OSBPL5: variants seen among roughly 807,000 people sequenced by gnomAD.
The protein encoded by OSBPL5 is oxysterol-binding protein-related protein 5.
A neutral mutation model predicts 111.2 loss-of-function variants in OSBPL5; 71 were observed. That is an observed-to-expected ratio of 0.64 (90% confidence interval 0.53 to 0.78). The LOEUF (loss-of-function observed/expected upper bound fraction) is 0.78. OSBPL5 is among the 30% of genes least tolerant of loss of function. The probability of loss-of-function intolerance (pLI) is 0.00; values close to 1 mark genes in which losing one functional copy is unlikely to be tolerated. For missense variants in OSBPL5, 1,210 were observed against 1,189.3 expected (o/e 1.02, Z -0.26); for synonymous variants, 549 against 513.9 (o/e 1.07, Z -0.93).
At position 3,126,343 on chromosome 11, in the gene OSBPL5, A is replaced by G. The variant is rs980952229; in HGVS notation, c.219+130T>C. On this transcript the variant is annotated intron_variant, in intron 3 of 21. Transcript: ENST00000263650. This position sits in a 1 kb window ranked among gnomAD's most constrained non-coding sequence, Gnocchi z 6.5. ...CGGAGCAGCACAGTCTAGGATTGGG[A>G]GCTGTTTCCCCCGAACAGGCTGGAA... 31 of 762,566 alleles carry G rather than the reference A, an allele frequency of 4.1e-5. No individual in the cohort carries two copies. The East Asian group carries it at 4.5e-4, about 11-fold the overall frequency. The allele number at this position is 762,566 out of a possible 1,614,324, so 47.2% of individuals were successfully genotyped here.
At chr11:3,129,383 C>A (rs552561129) in intron 1 of OSBPL5, 289 of 384,506 alleles carry the variant, frequency 7.5e-4, no homozygotes, top group Non-Finnish European at 1.1e-3. Context: ...GCCCTTTCCA[C>A]GCCGGGCAGT....
rs1858001385 is a variant in OSBPL5 at position 3,112,075 on chromosome 11, A to ATGTGTGTGTATGTGTGTGTGCATG, written c.692-4131_692-4130insCATGCACACACACATACACACACA. On this transcript the variant is annotated intron_variant, in intron 7 of 21. Coordinates refer to ENST00000263650, the MANE Select transcript of OSBPL5 (RefSeq NM_020896.4). The stretch of plus-strand genomic sequence containing the variant: ...TGTGTGCATGTGTATGTGTGTGTGC[A>ATGTGTGTGTATGTGTGTGTGCATG]TGTGTGTGTGCATGTGTGTGTGCAT... Among the ~76,000 whole-genome samples the ATGTGTGTGTATGTGTGTGTGCATG allele has an allele frequency of 1.1e-4, 15 of 137,098 alleles. No individual in the cohort carries two copies. In the East Asian group the frequency reaches 3.0e-3, roughly 28 times the overall value. 89.9% of individuals were successfully genotyped at this position (137,098 alleles called of 152,430 possible). A position where few individuals can be genotyped will look rare whatever the true frequency, so the allele number is the denominator to read the frequency against.
intron 1 of OSBPL5, among the ~76,000 whole-genome samples, chr11:3,132,813 C>A (rs111320734): frequency 0.022 from 3,290 of 152,364 alleles, 51 homozygotes; most frequent in Non-Finnish European, 0.029. Flanking sequence ...ACTTCTCCCA[C>A]CAGATGCAGC....
intron 1 of OSBPL5, among the ~76,000 whole-genome samples, chr11:3,131,658 CTGT>C (rs1293663904): frequency 6.8e-6 from 1 of 146,984 alleles, no homozygotes; most frequent in African/African-American, 2.5e-5. Flanking sequence ...CATCCATCTA[CTGT>C]CCTCCCATCC....
chr11:3,092,279 C>A lies in OSBPL5; in HGVS notation c.2259+153G>T, dbSNP rs1296581106. Among the ~76,000 whole-genome samples the A allele has an allele frequency of 6.6e-6, 1 of 152,062 alleles. No homozygotes were observed. Among genetic ancestry groups the A allele is most frequent in the African/African-American group, 2.4e-5 (1 of 41,390 alleles). ...ATCCCGGTTTCCTGAGTCCCATGCTCGGCAGAGAAGGAAAGGGGACGAGGG... is the reference window on the plus strand; with the variant it reads ...ATCCCGGTTTCCTGAGTCCCATGCTAGGCAGAGAAGGAAAGGGGACGAGGG... On this transcript the variant is annotated intron_variant, in intron 19 of 21. Coordinates refer to ENST00000263650, the MANE Select transcript of OSBPL5 (RefSeq NM_020896.4). This position sits in a 1 kb window ranked among gnomAD's most constrained non-coding sequence, Gnocchi z 5.4.
At chr11:3,159,091 G>A (rs910504630) in intron 1 of OSBPL5, among the ~76,000 whole-genome samples, 9 of 152,120 alleles carry the variant, frequency 5.9e-5, no homozygotes, top group African/African-American at 1.4e-4. Context: ...GTGAGCCCTC[G>A]GGCCAGCCAC....
rs746584551 is a variant in OSBPL5 at position 3,094,244 on chromosome 11, T to C, written c.1712A>G (p.Lys571Arg). ...KNNFQAQLEF[K>R]LKPFFGGSTS... ...GGCTGCAGCCAGCGCTACCTTGAGT[T>C]TGAATTCCAGCTGGGCCTGGAAGTT... is the stretch of plus-strand genomic sequence containing the variant. The change falls in exon 15 of 22, where the codon AAA becomes AGA. Residue 571 changes from lysine to arginine, a missense_variant. Coordinates refer to ENST00000263650, the MANE Select transcript of OSBPL5 (RefSeq NM_020896.4). 1.2e-6 allele frequency: 2 copies of C among 1,613,258 alleles called. No individual in the cohort carries two copies. The highest frequency in any genetic ancestry group is 2.7e-5 in the African/African-American group (2 of 74,910).
intron 11 of OSBPL5, 24 bp downstream of exon 11, chr11:3,103,215 C>G (rs763050680): frequency 1.9e-6 from 3 of 1,580,290 alleles, no homozygotes; most frequent in African/African-American, 2.7e-5. Context: ...GGAGCCCCAC[C>G]CTCCCTGGCT....
chr11:3,163,233 CG>C (rs1457898408), intron 1 of OSBPL5, among the ~76,000 whole-genome samples: 3 of 152,102 alleles, frequency 2.0e-5, no homozygotes, highest in Admixed American at 6.5e-5. Context: ...GGAATGGGGG[CG>C]GGGGGCACCT....
intron 7 of OSBPL5, among the ~76,000 whole-genome samples, chr11:3,117,710 T>C (rs1326213792): frequency 6.6e-6 from 1 of 152,246 alleles, no homozygotes; most frequent in African/African-American, 2.4e-5. Context: ...TTGTTGGCTA[T>C]AGGTCTTCAA....
At chr11:3,093,429 C>T in intron 17 of OSBPL5, 98 bp downstream of exon 17, 2 of 1,526,974 alleles carry the variant, frequency 1.3e-6, no homozygotes, top group South Asian at 2.4e-5. Context: ...CCAGGGACAT[C>T]CTGGGGCCAT....
chr11:3,129,158 G>A lies in OSBPL5; in HGVS notation c.-10C>T, dbSNP rs200180215. ...AGGCCTCCTCCTTCATGCTGTGGGC[G>A]CTCGGGGGCTTCTGGAAGGAAGGAA... On this transcript the variant is annotated 5_prime_UTR_variant, in exon 2 of 22. Transcript: ENST00000263650. The A allele has an allele frequency of 3.2e-5, 45 of 1,414,094 alleles. No individual in the cohort carries two copies. The highest frequency in any genetic ancestry group is 2.4e-4 in the Admixed American group (8 of 33,142). 87.6% of individuals were successfully genotyped at this position (1,414,094 alleles called of 1,614,324 possible).
At chr11:3,095,310 C>CAAAA (rs60973769) in intron 14 of OSBPL5, among the ~76,000 whole-genome samples, 3 of 105,682 alleles carry the variant, frequency 2.8e-5, no homozygotes, top group Non-Finnish European at 3.9e-5. Flanking sequence ...GACTCTGTCT[C>CAAAA]AAAAAAAAAA....
intron 13 of OSBPL5, among the ~76,000 whole-genome samples, chr11:3,101,161 G>C (rs956230899): frequency 4.6e-5 from 7 of 151,906 alleles, no homozygotes; most frequent in East Asian, 1.9e-4. Context: ...TTTTAGTAGA[G>C]ACAGGGTTTC....
intron 2 of OSBPL5, among the ~76,000 whole-genome samples, chr11:3,127,505 G>A (rs1858668745): frequency 6.6e-6 from 1 of 152,170 alleles, no homozygotes; most frequent in Non-Finnish European, 1.5e-5. Context: ...CTGGACCGTG[G>A]CCACTCACAG....
chr11:3,151,609 C>T (rs762655511), intron 1 of OSBPL5, among the ~76,000 whole-genome samples: 22 of 152,230 alleles, frequency 1.4e-4, no homozygotes, highest in Non-Finnish European at 2.9e-4. Context: ...GCCTCATGTA[C>T]CTTTATTTCC....
rs56194850 is a variant in OSBPL5, at chr11:3,110,049, G to C, written c.692-2104C>G. Among the ~76,000 whole-genome samples the C allele has an allele frequency of 0.021, 3,203 of 152,204 alleles. 117 individuals carry two copies. The highest frequency in any genetic ancestry group is 0.073 in the African/African-American group (3,029 of 41,508). ...GCTGTGGGCTGCCCTGGCCATCCCC[G>C]GGCCTGCATGGGACCTGGCACATAG... On this transcript the variant is annotated intron_variant, in intron 7 of 21. Coordinates refer to ENST00000263650, the MANE Select transcript of OSBPL5 (RefSeq NM_020896.4). This position sits in a 1 kb window ranked among gnomAD's most constrained non-coding sequence, Gnocchi z 5.3.
Position 3,122,353 on chromosome 11 carries a change from G to A in OSBPL5, c.295C>T (p.Leu99Phe), listed in dbSNP as rs1564843950. ...CTCCCCGGGCCCGGGCTCACCTTGA[G>A]AGTCTCCTTCTTGGTGACCCTGGCG... ...PTARVTKKET[L>F]KAQKENYRQE... The change falls in exon 4 of 22, where the codon CTC (leucine) becomes TTC (phenylalanine). Residue 99 changes from leucine to phenylalanine, a missense_variant. Leu to Phe is a conservative substitution (Grantham distance 22). Transcript: ENST00000263650. The A allele has an allele frequency of 6.2e-7, 1 of 1,613,618 alleles. No homozygotes were observed. The highest frequency in any genetic ancestry group is 1.3e-5 in the African/African-American group (1 of 75,064).
intron 14 of OSBPL5, among the ~76,000 whole-genome samples, chr11:3,098,679 A>G (rs188534128): frequency 9.9e-5 from 15 of 151,694 alleles, no homozygotes; most frequent in African/African-American, 3.6e-4. Context: ...CTAATTTTGT[A>G]TATTTATTAG....
Sources: gnomAD v4.1 joint callset for allele counts (sites outside exome capture counted in the v4.1 genomes callset) on GRCh38, gnomAD v4.1.1 for gene constraint, Gnocchi (gnomAD v3.1) non-coding constraint, MANE v1.5 for transcripts, NCBI Gene and HGNC (gene_info 2026-07-23, HGNC 2026-07-21) for gene names.